MARCHF1: variants seen among roughly 807,000 people sequenced by gnomAD.
The protein encoded by MARCHF1 is membrane associated ring-CH-type finger 1.
A neutral mutation model predicts 54.2 loss-of-function variants in MARCHF1; 40 were observed. That is an observed-to-expected ratio of 0.74 (90% CI 0.57 to 0.96). The LOEUF is 0.96. MARCHF1 is among the 40% of genes least tolerant of loss of function. The probability of loss-of-function intolerance (pLI) is 0.00; values close to 1 mark genes in which losing one functional copy is unlikely to be tolerated. For synonymous variants in MARCHF1, 236 were observed against 236.3 expected, an observed-to-expected ratio of 1.00 and a Z score of 0.01; for missense variants, 586 against 656.5, an observed-to-expected ratio of 0.89 and a Z score of 1.17.
chr4:164,197,261 C>T, intron 1 of MARCHF1: 2 of 1,611,126 alleles, frequency 1.2e-6, no homozygotes, highest in Non-Finnish European at 1.7e-6. Flanking sequence ...GAGTAAGGGG[C>T]CTCCTTGTGG....
intron 1 of MARCHF1, among the ~76,000 whole-genome samples, chr4:164,248,372 G>T (rs538969425): frequency 6.6e-6 from 1 of 152,142 alleles, no homozygotes; most frequent in East Asian, 1.9e-4. Flanking sequence ...CATTGTTAAA[G>T]CCTTTTAGAT....
chr4:163,662,981 G>GA (rs11327955), intron 5 of MARCHF1, among the ~76,000 whole-genome samples: 11 of 150,084 alleles, frequency 7.3e-5, no homozygotes, highest in East Asian at 5.9e-4. Context: ...TATTGGCCTG[G>GA]AAAAAAAAAA....
At chr4:164,374,587 G>A (rs2110968465) in intron 1 of MARCHF1, among the ~76,000 whole-genome samples, 1 of 152,126 alleles carries the variant, frequency 6.6e-6, no homozygotes, top group Admixed American at 6.5e-5. Context: ...CACTTCTTAA[G>A]ACTCATCTTC....
At chr4:163,907,865 A>T (rs1751105863) in intron 3 of MARCHF1, among the ~76,000 whole-genome samples, 1 of 152,144 alleles carries the variant, frequency 6.6e-6, no homozygotes, top group Non-Finnish European at 1.5e-5. Context: ...AGTTCCTGGC[A>T]CATGACTCCC....
intron 5 of MARCHF1, among the ~76,000 whole-genome samples, chr4:163,632,968 C>T (rs190170099): frequency 0.048 from 7,250 of 150,446 alleles, 615 homozygotes; most frequent in African/African-American, 0.17. Flanking sequence ...AACTAGGAGG[C>T]GCCCCCCAGC....
intron 2 of MARCHF1, among the ~76,000 whole-genome samples, chr4:163,994,758 C>T (rs888648318): frequency 7.9e-6 from 1 of 126,142 alleles, no homozygotes; most frequent in Admixed American, 8.4e-5. Context: ...CACACACACA[C>T]ACACACACAC....
At chr4:164,218,991 G>A (rs768295310) in intron 1 of MARCHF1, among the ~76,000 whole-genome samples, 4 of 152,082 alleles carry the variant, frequency 2.6e-5, no homozygotes, top group Non-Finnish European at 4.4e-5. Context: ...TATGTAAACA[G>A]TATTGATGTC....
chr4:164,195,798 T>C (rs188863981), intron 1 of MARCHF1, among the ~76,000 whole-genome samples: 3 of 152,344 alleles, frequency 2.0e-5, no homozygotes, highest in Middle Eastern at 3.4e-3. Flanking sequence ...TTTGAATTAA[T>C]CTAAAATTAT....
chr4:164,326,860 C>T (rs1735293210), intron 1 of MARCHF1, among the ~76,000 whole-genome samples: 1 of 151,822 alleles, frequency 6.6e-6, no homozygotes, highest in African/African-American at 2.4e-5. Flanking sequence ...TTTGTTGTGA[C>T]CCTAGGTATT....
intron 1 of MARCHF1, among the ~76,000 whole-genome samples, chr4:164,290,654 A>G (rs1242336356): frequency 5.9e-5 from 9 of 152,156 alleles, no homozygotes; most frequent in African/African-American, 2.2e-4. Context: ...TGGTTTAAAG[A>G]TAAAATAAAT....
chr4:164,019,240 C>A (rs544964417), intron 2 of MARCHF1, among the ~76,000 whole-genome samples: 11 of 152,158 alleles, frequency 7.2e-5, no homozygotes, highest in African/African-American at 2.7e-4. Flanking sequence ...TCTTCAATTG[C>A]GCTAGGTCTC....
At chr4:164,313,073 T>C (rs1734905906) in intron 1 of MARCHF1, among the ~76,000 whole-genome samples, 1 of 151,264 alleles carries the variant, frequency 6.6e-6, no homozygotes, top group South Asian at 2.1e-4. Context: ...CGGTGGTGGC[T>C]CACGCCTGTA....
Position 164,327,343 on chromosome 4 carries a change from T to C in MARCHF1, c.-323+56527A>G, listed in dbSNP as rs565228342. Among the ~76,000 whole-genome samples the C allele has an allele frequency of 3.9e-5, 6 of 152,044 alleles. No homozygotes were observed. The East Asian group carries it at 1.2e-3, about 30-fold the overall frequency. On this transcript the variant is annotated intron_variant, in intron 1 of 9. Coordinates refer to ENST00000514618, the MANE Select transcript of MARCHF1 (RefSeq NM_001394959.1). Reference sequence around the variant, plus strand: ...GACTGTTGAGACGAGTCTTAAAGAATGGAGGAAAAGTGAAGAGTACAGCTT... The same window carrying C: ...GACTGTTGAGACGAGTCTTAAAGAACGGAGGAAAAGTGAAGAGTACAGCTT...
At chr4:163,965,224 A>T (rs1378225203) in intron 3 of MARCHF1, among the ~76,000 whole-genome samples, 1 of 152,006 alleles carries the variant, frequency 6.6e-6, no homozygotes, top group Non-Finnish European at 1.5e-5. Flanking sequence ...AAAGAGTTTC[A>T]AAATATGGAG....
At chr4:164,215,824 G>C (rs953284821) in intron 1 of MARCHF1, among the ~76,000 whole-genome samples, 2 of 152,118 alleles carry the variant, frequency 1.3e-5, no homozygotes, top group Non-Finnish European at 2.9e-5. Context: ...AGTTGTGAAG[G>C]TGAAATACAC....
intron 4 of MARCHF1, among the ~76,000 whole-genome samples, chr4:163,845,197 T>TGA (rs1376881396): frequency 6.6e-6 from 1 of 152,114 alleles, no homozygotes; most frequent in African/African-American, 2.4e-5. Flanking sequence ...TACATTTCTT[T>TGA]GAGAACTATA....
intron 3 of MARCHF1, among the ~76,000 whole-genome samples, chr4:163,972,502 C>G (rs1268023986): frequency 3.3e-5 from 5 of 152,000 alleles, no homozygotes; most frequent in African/African-American, 1.2e-4. Context: ...TATTTATATG[C>G]AAGGTATATT....
At chr4:164,206,664 T>C (rs1453796130) in intron 1 of MARCHF1, among the ~76,000 whole-genome samples, 1 of 152,144 alleles carries the variant, frequency 6.6e-6, no homozygotes, top group Non-Finnish European at 1.5e-5. Flanking sequence ...ATTGACTTAC[T>C]GTAATACAGT....
At chr4:163,734,454 C>T (rs1561048073) in intron 4 of MARCHF1, among the ~76,000 whole-genome samples, 3 of 151,106 alleles carry the variant, frequency 2.0e-5, no homozygotes, top group South Asian at 4.2e-4. Context: ...TATACGATGA[C>T]ATCTTATTTA....
Sources: allele counts gnomAD v4.1 joint callset (sites outside exome capture counted in the v4.1 genomes callset), GRCh38; gene constraint gnomAD v4.1.1; transcripts MANE v1.5; gene names NCBI Gene and HGNC (gene_info 2026-07-23, HGNC 2026-07-21).